The following CERS6 variants were observed in gnomAD, a reference collection of about 807,000 sequenced individuals.
CERS6 encodes LAG1 homolog, ceramide synthase 6.
A neutral mutation model predicts 56.8 loss-of-function variants in CERS6; 26 were observed. That is an observed-to-expected ratio of 0.46 (90% confidence interval 0.34 to 0.63). CERS6 has a LOEUF of 0.63. Ranked by LOEUF, CERS6 falls within the 30% of genes least tolerant of loss-of-function variation. CERS6 has a pLI of 0.01. For missense variants in CERS6, 415 were observed against 467.5 expected (o/e 0.89, Z 1.04); for synonymous variants, 164 against 173.3 (o/e 0.95, Z 0.42).
At chr2:168,485,417 T>A (rs1694258651) in intron 1 of CERS6, among the ~76,000 whole-genome samples, 1 of 152,196 alleles carries the variant, frequency 6.6e-6, no homozygotes, top group South Asian at 2.1e-4. Flanking sequence ...GTTTTGCAAA[T>A]GTATAGTGAG....
chr2:168,671,021 C>T (rs904004356), intron 4 of CERS6, among the ~76,000 whole-genome samples: 3 of 130,178 alleles, frequency 2.3e-5, no homozygotes, highest in African/African-American at 8.1e-5. Flanking sequence ...AGTTCAGTGG[C>T]ACAATCTCAG....
chr2:168,579,079 A>G (rs894476429), intron 3 of CERS6, among the ~76,000 whole-genome samples: 2 of 152,220 alleles, frequency 1.3e-5, no homozygotes, highest in African/African-American at 4.8e-5. Context: ...TTGATTGCCC[A>G]AAAGAAGAGA....
intron 4 of CERS6, among the ~76,000 whole-genome samples, chr2:168,673,190 A>G (rs1324284931): frequency 6.6e-6 from 1 of 152,208 alleles, no homozygotes; most frequent in Non-Finnish European, 1.5e-5. Flanking sequence ...TTTATTTTTT[A>G]ATACCAAACA....
chr2:168,588,567 A>G (rs770386535), intron 3 of CERS6, among the ~76,000 whole-genome samples: 1 of 152,084 alleles, frequency 6.6e-6, no homozygotes, highest in Non-Finnish European at 1.5e-5. Context: ...AGGTTCACCC[A>G]TGTTTTGGTG....
intron 4 of CERS6, among the ~76,000 whole-genome samples, chr2:168,657,762 C>T (rs539562858): frequency 2.9e-4 from 44 of 152,350 alleles, no homozygotes; most frequent in African/African-American, 1.0e-3. Flanking sequence ...CACGCCCACC[C>T]GGAACTCCAG....
Position 168,456,987 on chromosome 2 carries a change from A to AG in CERS6, c.170+369_170+370insG, listed in dbSNP as rs1343720532. 6.6e-6 allele frequency among the ~76,000 whole-genome samples: 1 copy of AG among 152,196 alleles called. No individual in the cohort carries two copies. Among genetic ancestry groups the AG allele is most frequent in the African/African-American group, 2.4e-5 (1 of 41,456 alleles). Reference sequence around the variant, plus strand: ...GCCCCTCTCCGCCGGCGCGCCACGCAAGGCTGCCAGGCAGGGCTTCCCGCC... The same window carrying AG: ...GCCCCTCTCCGCCGGCGCGCCACGCAGAGGCTGCCAGGCAGGGCTTCCCGCC... On this transcript the variant is annotated intron_variant, in intron 1 of 9. Coordinates refer to ENST00000305747, the MANE Select transcript of CERS6 (RefSeq NM_203463.3). This position sits in a 1 kb window ranked among gnomAD's most constrained non-coding sequence, Gnocchi z 4.1.
chr2:168,660,146 A>G (rs563908728), intron 4 of CERS6, among the ~76,000 whole-genome samples: 11 of 152,336 alleles, frequency 7.2e-5, no homozygotes, highest in Admixed American at 6.5e-4. Context: ...AACGTTCAAC[A>G]GATATCTATT....
chr2:168,714,905 T>C (rs1687190019), intron 6 of CERS6, 96 bp from the exon 7 acceptor site: 2 of 1,169,962 alleles, frequency 1.7e-6, no homozygotes, highest in Admixed American at 2.3e-5. Context: ...GCTAGGTTTG[T>C]GGAGGTTCTC....
At chr2:168,639,278 C>A (rs1684933352) in intron 4 of CERS6, among the ~76,000 whole-genome samples, 1 of 152,156 alleles carries the variant, frequency 6.6e-6, no homozygotes. Flanking sequence ...CCTGTTTCTA[C>A]CATGGGAAAT....
At chr2:168,700,625 A>G (rs984452304) in intron 6 of CERS6, among the ~76,000 whole-genome samples, 2 of 152,174 alleles carry the variant, frequency 1.3e-5, no homozygotes, top group African/African-American at 4.8e-5. Flanking sequence ...TATGGGTGCA[A>G]TATGGCTTAG....
intron 4 of CERS6, among the ~76,000 whole-genome samples, chr2:168,657,519 A>G (rs1006028323): frequency 6.6e-6 from 1 of 152,210 alleles, no homozygotes; most frequent in Non-Finnish European, 1.5e-5. Flanking sequence ...CTCGGGCCAC[A>G]CAGGAGCCCA....
intron 6 of CERS6, among the ~76,000 whole-genome samples, chr2:168,711,731 CAA>C (rs35886865): frequency 5.1e-4 from 50 of 97,862 alleles, no homozygotes; most frequent in African/African-American, 1.6e-3. Context: ...GAGACTGTCT[CAA>C]AAAAAAAAAA....
chr2:168,764,182 G>T (rs148382608), intron 8 of CERS6, among the ~76,000 whole-genome samples: 12 of 151,640 alleles, frequency 7.9e-5, no homozygotes, highest in African/African-American at 2.4e-4. Context: ...TTGCTCTGTT[G>T]CCCAGGCTGG....
intron 2 of CERS6, among the ~76,000 whole-genome samples, chr2:168,560,045 A>C (rs536601507): frequency 6.6e-6 from 1 of 152,136 alleles, no homozygotes; most frequent in Non-Finnish European, 1.5e-5. Flanking sequence ...GAGAGTGGAC[A>C]ATTTACAACA....
chr2:168,489,318 ATACTT>A (rs1407970149), intron 1 of CERS6, among the ~76,000 whole-genome samples: 1 of 152,042 alleles, frequency 6.6e-6, no homozygotes, highest in Non-Finnish European at 1.5e-5. Flanking sequence ...GCCATTGTGA[ATACTT>A]TATTTTTGCT....
intron 1 of CERS6, among the ~76,000 whole-genome samples, chr2:168,544,581 G>C (rs1695429318): frequency 2.0e-5 from 3 of 152,150 alleles, no homozygotes; most frequent in Non-Finnish European, 4.4e-5. Context: ...GGGTTGGATA[G>C]GGGAGCTGGA....
chr2:168,538,011 T>G (rs1194851384), intron 1 of CERS6, among the ~76,000 whole-genome samples: 1 of 152,180 alleles, frequency 6.6e-6, no homozygotes, highest in African/African-American at 2.4e-5. Flanking sequence ...GAGTCCAGTC[T>G]TGAGGATAGT....
In CERS6 at chr2:168,772,798, A is replaced by G. The variant is rs188754024; in HGVS notation, c.*3136A>G. 1.2e-4 allele frequency: 19 copies of G among 152,774 alleles called. No individual in the cohort carries two copies. Among genetic ancestry groups the G allele is most frequent in the Non-Finnish European group, 2.1e-4 (14 of 68,040 alleles). 9.5% of individuals were successfully genotyped at this position (152,774 alleles called of 1,614,324 possible). A position where few individuals can be genotyped will look rare whatever the true frequency, so the allele number is the denominator to read the frequency against. ...TTACCCCAGGGTTTATTAGCATCCTACTTCTGCTGGGCTGCATCATTATAT... is the reference window on the plus strand; with the variant it reads ...TTACCCCAGGGTTTATTAGCATCCTGCTTCTGCTGGGCTGCATCATTATAT... On this transcript the variant is annotated 3_prime_UTR_variant, in exon 10 of 10. Coordinates refer to ENST00000305747, the MANE Select transcript of CERS6 (RefSeq NM_203463.3).
At chr2:168,674,058 T>C (rs753498502) in intron 4 of CERS6, among the ~76,000 whole-genome samples, 6 of 152,160 alleles carry the variant, frequency 3.9e-5, no homozygotes, top group Admixed American at 3.3e-4. Context: ...CTGTTACGTA[T>C]GGGTTTTCAG....
Sources: allele counts gnomAD v4.1 joint callset (sites outside exome capture counted in the v4.1 genomes callset), GRCh38; gene constraint gnomAD v4.1.1; non-coding constraint Gnocchi (gnomAD v3.1); transcripts MANE v1.5; gene names NCBI Gene and HGNC (gene_info 2026-07-23, HGNC 2026-07-21).